B3GALT5: variants seen among roughly 807,000 people sequenced by gnomAD.
B3GALT5 encodes beta-1,3-galactosyltransferase 5.
For synonymous variants in B3GALT5, 156 were observed against 158.6 expected (o/e 0.98, Z 0.12); for missense variants, 328 against 396.6 (o/e 0.83, Z 1.47).
In B3GALT5 at chr21:39,639,343, TTTCTTTCCTTCCTTCC is replaced by T. The variant is rs1191396241; in HGVS notation, c.-391-7045_-391-7030del. On this transcript the variant is annotated intron_variant, in intron 1 of 3. Coordinates refer to ENST00000684187, the MANE Select transcript of B3GALT5 (RefSeq NM_001356336.2). Reference sequence around the variant, plus strand: ...CTTTCTTTCTTTCTTTCTTTCTTTCTTTCTTTCCTTCCTTCCTTCCTTCCTTCCTTCCTTCCTTCCT... The same window carrying T: ...CTTTCTTTCTTTCTTTCTTTCTTTCTTTCCTTCCTTCCTTCCTTCCTTCCT... 6.5e-4 allele frequency among the ~76,000 whole-genome samples: 56 copies of T among 86,802 alleles called. No individual in the cohort carries two copies. In the East Asian group the frequency reaches 7.5e-3, roughly 12 times the overall value. The allele number at this position is 86,802 out of a possible 152,430, so 56.9% of individuals were successfully genotyped here.
chr21:39,671,966 C>CA lies in B3GALT5; in HGVS notation c.*10477dup, dbSNP rs932020861. The CA allele has an allele frequency of 1.1e-4, 17 of 152,176 alleles. No homozygotes were observed. The highest frequency in any genetic ancestry group is 3.9e-4 in the African/African-American group (16 of 41,438). The allele number at this position is 152,176 out of a possible 1,614,324, so 9.4% of individuals were successfully genotyped here. Reference sequence around the variant, plus strand: ...TGGCACCTGCCAATCGGAAGACTGACAAACAAAAAATTAGTTTTTAATTAA... The same window carrying CA: ...TGGCACCTGCCAATCGGAAGACTGACAAAACAAAAAATTAGTTTTTAATTAA... On this transcript the variant is annotated 3_prime_UTR_variant, in exon 4 of 4. Coordinates refer to ENST00000684187, the MANE Select transcript of B3GALT5 (RefSeq NM_001356336.2).
At chr21:39,647,444 T>C (rs1223412659) in intron 2 of B3GALT5, among the ~76,000 whole-genome samples, 3 of 152,164 alleles carry the variant, frequency 2.0e-5, no homozygotes, top group Non-Finnish European at 4.4e-5. Context: ...AAGTTTTTGG[T>C]TCTCGGGCCT....
chr21:39,637,081 A>G (rs565446655), intron 1 of B3GALT5, among the ~76,000 whole-genome samples: 28 of 152,238 alleles, frequency 1.8e-4, no homozygotes, highest in African/African-American at 6.7e-4. Context: ...GACATTTACT[A>G]TTAGGGCCGA....
chr21:39,618,168 TATTGTAGG>T (rs1187424905), intron 1 of B3GALT5, among the ~76,000 whole-genome samples: 1 of 152,066 alleles, frequency 6.6e-6, no homozygotes, highest in East Asian at 1.9e-4. Context: ...AAAAAAATTA[TATTGTAGG>T]ATTGTACTAC....
At chr21:39,636,961 C>G (rs1303497541) in intron 1 of B3GALT5, among the ~76,000 whole-genome samples, 5 of 152,138 alleles carry the variant, frequency 3.3e-5, no homozygotes, top group African/African-American at 1.2e-4. Flanking sequence ...TTGTCTTTCT[C>G]ATTCATGGGA....
chr21:39,650,898 C>T (rs555396728), intron 2 of B3GALT5, among the ~76,000 whole-genome samples: 36 of 152,012 alleles, frequency 2.4e-4, no homozygotes, highest in African/African-American at 8.4e-4. Context: ...CCATGTCCCA[C>T]TTCTTCCACC....
At position 39,657,900 on chromosome 21, in the gene B3GALT5, C is replaced by T. The variant is rs537425136; in HGVS notation, c.-160-1853C>T. The T allele has an allele frequency of 1.4e-5, 17 of 1,231,656 alleles. No homozygotes were observed. The South Asian group carries it at 6.2e-4, about 45-fold the overall frequency. 76.3% of individuals were successfully genotyped at this position (1,231,656 alleles called of 1,614,324 possible). A position where few individuals can be genotyped will look rare whatever the true frequency, so the allele number is the denominator to read the frequency against. ...GGTCTAGATGTGTTTGGAGGTAGGG[C>T]TTCTGTAGCACAGATAGTGCCTGTT... On this transcript the variant is annotated intron_variant, in intron 2 of 3. Coordinates refer to ENST00000684187, the MANE Select transcript of B3GALT5 (RefSeq NM_001356336.2).
chr21:39,653,477 A>G (rs1038875799), intron 2 of B3GALT5, among the ~76,000 whole-genome samples: 1 of 152,170 alleles, frequency 6.6e-6, no homozygotes, highest in Non-Finnish European at 1.5e-5. Flanking sequence ...GGGGCATTGC[A>G]GGGGAAACAG....
chr21:39,618,982 A>T (rs1043510840), intron 1 of B3GALT5, among the ~76,000 whole-genome samples: 5 of 152,132 alleles, frequency 3.3e-5, no homozygotes, highest in Admixed American at 1.3e-4. Context: ...TGAGTTAGGG[A>T]TTCAAATTCA....
intron 1 of B3GALT5, among the ~76,000 whole-genome samples, chr21:39,640,004 G>T (rs2079277288): frequency 6.7e-6 from 1 of 150,314 alleles, no homozygotes; most frequent in South Asian, 2.2e-4. Flanking sequence ...TACCTGGAGG[G>T]CTCATTAGCA....
At chr21:39,634,217 A>T (rs533287245) in intron 1 of B3GALT5, among the ~76,000 whole-genome samples, 3 of 152,124 alleles carry the variant, frequency 2.0e-5, no homozygotes, top group Non-Finnish European at 4.4e-5. Context: ...AAAAAATTAC[A>T]CTCAGTTCCT....
At chr21:39,656,103 G>T (rs1219264188) in intron 2 of B3GALT5, among the ~76,000 whole-genome samples, 1 of 152,186 alleles carries the variant, frequency 6.6e-6, no homozygotes, top group African/African-American at 2.4e-5. Context: ...CCCCAGACCT[G>T]CCAGAATCTC....
At chr21:39,623,849 T>C (rs2079150202) in intron 1 of B3GALT5, among the ~76,000 whole-genome samples, 1 of 152,232 alleles carries the variant, frequency 6.6e-6, no homozygotes, top group African/African-American at 2.4e-5. Flanking sequence ...TCTGGAAAAT[T>C]CTCAGCTGAT....
At chr21:39,645,662 CAG>C (rs1381291457) in intron 1 of B3GALT5, among the ~76,000 whole-genome samples, 1 of 152,098 alleles carries the variant, frequency 6.6e-6, no homozygotes, top group Non-Finnish European at 1.5e-5. Context: ...TAGCTCCTGC[CAG>C]AGTCTCTGCT....
chr21:39,645,663 A>G (rs1602283046), intron 1 of B3GALT5, among the ~76,000 whole-genome samples: 2 of 152,128 alleles, frequency 1.3e-5, no homozygotes, highest in African/African-American at 4.8e-5. Flanking sequence ...AGCTCCTGCC[A>G]GAGTCTCTGC....
chr21:39,648,818 C>G (rs772423648), intron 2 of B3GALT5, among the ~76,000 whole-genome samples: 3 of 152,022 alleles, frequency 2.0e-5, no homozygotes, highest in Admixed American at 2.0e-4. Context: ...GTGGAGCGCT[C>G]GTGATGAGAT....
rs1339331444 is a variant in B3GALT5 at position 39,639,400 on chromosome 21, T to TTCTTTTTC, written c.-391-6991_-391-6990insCTTTTTCT. 3.3e-4 allele frequency among the ~76,000 whole-genome samples: 19 copies of TTCTTTTTC among 57,202 alleles called. 1 individual carries two copies. The highest frequency in any genetic ancestry group is 1.3e-3 in the African/African-American group (17 of 13,486). 37.5% of individuals were successfully genotyped at this position (57,202 alleles called of 152,430 possible). ...CTTCCTTCCTTCCTTCCTTCTTTCT[T>TTCTTTTTC]TTTCTTTCTTTCTTTCTTTCTTTCT... On this transcript the variant is annotated intron_variant, in intron 1 of 3. Coordinates refer to ENST00000684187, the MANE Select transcript of B3GALT5 (RefSeq NM_001356336.2).
intron 1 of B3GALT5, among the ~76,000 whole-genome samples, chr21:39,641,151 C>A (rs1308674568): frequency 6.6e-6 from 1 of 152,176 alleles, no homozygotes; most frequent in Non-Finnish European, 1.5e-5. Context: ...AAGTAGTTTG[C>A]CATTTGTAAA....
At chr21:39,630,298 G>C (rs2123695485) in intron 1 of B3GALT5, 1 of 152,318 alleles carries the variant, frequency 6.6e-6, no homozygotes, top group East Asian at 1.9e-4. Flanking sequence ...TGTATTGGCA[G>C]CTAGATTTGG....
Sources: gnomAD v4.1 joint callset for allele counts (sites outside exome capture counted in the v4.1 genomes callset) on GRCh38, gnomAD v4.1.1 for gene constraint, MANE v1.5 for transcripts, NCBI Gene and HGNC (gene_info 2026-07-23, HGNC 2026-07-21) for gene names.